Variants in LIPC observed in about 807,000 individuals in gnomAD.
The protein encoded by LIPC is lipase C, hepatic type, also known as hepatic triacylglycerol lipase.
Under a neutral mutation model 50.7 loss-of-function variants are expected in LIPC, and 44 were observed. The ratio of observed to expected loss-of-function variants is 0.87; its 90% CI spans 0.68 to 1.11. LIPC has a LOEUF of 1.11. Among genes scored for constraint, LIPC ranks in the 50% most tolerant of loss-of-function variants. The pLI, the probability that LIPC is intolerant of heterozygous loss-of-function variation, is 0.00. For missense variants in LIPC, 697 were observed against 648.2 expected (o/e 1.08, Z -0.82); for synonymous variants, 271 against 256.4 (o/e 1.06, Z -0.54).
At chr15:58,561,062 G>C (rs575790949) in intron 7 of LIPC, 81 bp downstream of exon 7, 1 of 811,212 alleles carries the variant, frequency 1.2e-6, no homozygotes, top group Non-Finnish European at 2.2e-6. Flanking sequence ...TAATTTTCAA[G>C]AGTCAGGCCA....
chr15:58,542,657 C>T lies in LIPC; in HGVS notation c.574+6C>T. ...CAAGATTGGGAGAATCACAGGTAACCATGCCTAATAACTCACACACTGATC... is the reference window on the plus strand; with the variant it reads ...CAAGATTGGGAGAATCACAGGTAACTATGCCTAATAACTCACACACTGATC... On this transcript the variant is annotated splice_donor_region_variant and intron_variant, in intron 4 of 8. Coordinates refer to ENST00000299022, the MANE Select transcript of LIPC (RefSeq NM_000236.3). 1 of 1,587,352 alleles carries T rather than the reference C, an allele frequency of 6.3e-7. No individual in the cohort carries two copies. The highest frequency in any genetic ancestry group is 8.6e-7 in the Non-Finnish European group (1 of 1,156,070).
At chr15:58,536,314 G>A (rs753448744) in intron 1 of LIPC, among the ~76,000 whole-genome samples, 26 of 152,096 alleles carry the variant, frequency 1.7e-4, no homozygotes, top group Non-Finnish European at 3.1e-4. Context: ...AGGAGGTGGG[G>A]GATGAGGGAT....
At chr15:58,486,167 T>C (rs775448874) in intron 1 of LIPC, among the ~76,000 whole-genome samples, 1 of 152,212 alleles carries the variant, frequency 6.6e-6, no homozygotes, top group Non-Finnish European at 1.5e-5. Context: ...CACTCTCTCA[T>C]GTCACTGTCC....
intron 1 of LIPC, among the ~76,000 whole-genome samples, chr15:58,516,896 G>A (rs773026742): frequency 2.0e-5 from 3 of 152,192 alleles, no homozygotes; most frequent in South Asian, 2.1e-4. Flanking sequence ...ACTAGATACC[G>A]GACATTGTGA....
chr15:58,437,791 C>T (rs185787801), intron 1 of LIPC, among the ~76,000 whole-genome samples: 5 of 152,318 alleles, frequency 3.3e-5, no homozygotes, highest in East Asian at 1.9e-4. Flanking sequence ...TCCAAGAGTG[C>T]GTACTATTCT....
At chr15:58,433,817 G>A (rs951656214) in intron 1 of LIPC, among the ~76,000 whole-genome samples, 1 of 152,186 alleles carries the variant, frequency 6.6e-6, no homozygotes, top group Non-Finnish European at 1.5e-5. Flanking sequence ...ATTAGCAAGA[G>A]GGTTCCTCAG....
At chr15:58,526,768 T>C (rs112603976) in intron 1 of LIPC, among the ~76,000 whole-genome samples, 7,757 of 152,250 alleles carry the variant, frequency 0.051, 482 homozygotes, top group African/African-American at 0.14. Context: ...AAACAACACA[T>C]TGAATGCCAA....
intron 1 of LIPC, among the ~76,000 whole-genome samples, chr15:58,434,601 C>T (rs1693779039): frequency 1.3e-5 from 2 of 152,232 alleles, no homozygotes; most frequent in Admixed American, 1.3e-4. Context: ...AAACATTCTG[C>T]TCAGTTCCTC....
intron 4 of LIPC, among the ~76,000 whole-genome samples, chr15:58,543,811 G>A (rs755592698): frequency 4.0e-5 from 6 of 151,832 alleles, no homozygotes; most frequent in South Asian, 2.1e-4. Context: ...TAGTAGATAC[G>A]GGGTTTCACC....
intron 1 of LIPC, among the ~76,000 whole-genome samples, chr15:58,515,899 C>T (rs763820682): frequency 1.8e-4 from 27 of 152,100 alleles, no homozygotes; most frequent in Non-Finnish European, 3.7e-4. Context: ...TTCTAGAACT[C>T]GGATCTCTTC....
intron 8 of LIPC, chr15:58,566,264 G>A (rs1230912339): frequency 2.0e-5 from 20 of 985,318 alleles, no homozygotes; most frequent in Non-Finnish European, 2.4e-5. Context: ...CATGCTTTGA[G>A]GAGGCCAAGA....
chr15:58,449,932 T>TA (rs1168666276), intron 1 of LIPC, among the ~76,000 whole-genome samples: 3 of 152,206 alleles, frequency 2.0e-5, no homozygotes, highest in African/African-American at 7.2e-5. Flanking sequence ...TCCCACCCTG[T>TA]ACCCACCATC....
intron 6 of LIPC, among the ~76,000 whole-genome samples, chr15:58,548,849 T>A (rs548533642): frequency 6.6e-6 from 1 of 152,340 alleles, no homozygotes; most frequent in South Asian, 2.1e-4. Flanking sequence ...TCCCCTAGAA[T>A]GTTAGATCTG....
chr15:58,463,111 A>G (rs1041727162), intron 1 of LIPC, among the ~76,000 whole-genome samples: 1 of 152,190 alleles, frequency 6.6e-6, no homozygotes, highest in African/African-American at 2.4e-5. Flanking sequence ...GCCAAGGGCC[A>G]GCTCCCCAGT....
At chr15:58,487,579 T>C (rs1891421585) in intron 1 of LIPC, among the ~76,000 whole-genome samples, 1 of 152,204 alleles carries the variant, frequency 6.6e-6, no homozygotes, top group South Asian at 2.1e-4. Context: ...TTGTTGGACA[T>C]ATTATTTACT....
chr15:58,548,835 A>G (rs1414577647), intron 6 of LIPC, among the ~76,000 whole-genome samples: 2 of 152,032 alleles, frequency 1.3e-5, no homozygotes, highest in Non-Finnish European at 2.9e-5. Context: ...GTCCATTTTC[A>G]TGCTCCCCTA....
chr15:58,434,467 G>C (rs1893224845), intron 1 of LIPC, among the ~76,000 whole-genome samples: 1 of 152,176 alleles, frequency 6.6e-6, no homozygotes, highest in African/African-American at 2.4e-5. Flanking sequence ...TGCCTTGCCG[G>C]CGGTCGCATA....
At chr15:58,433,382 C>T (rs1011369306) in intron 1 of LIPC, among the ~76,000 whole-genome samples, 4 of 152,250 alleles carry the variant, frequency 2.6e-5, no homozygotes, top group African/African-American at 9.6e-5. Flanking sequence ...ACCCCAAAGC[C>T]TTCCTTGTGT....
Position 58,513,767 on chromosome 15 carries a change from A to T in LIPC, c.89-24566A>T, listed in dbSNP as rs150975035. ...CAGCTGAGAATTCTGGAGAAACCCC[A>T]CGGCAGCTGGCATCTATGTCCTGGC... On this transcript the variant is annotated intron_variant, in intron 1 of 8. Transcript: ENST00000299022. Among the ~76,000 whole-genome samples, 32 of 152,226 alleles carry T rather than the reference A, an allele frequency of 2.1e-4. No individual in the cohort carries two copies. The East Asian group carries it at 6.0e-3, about 29-fold the overall frequency.
Sources: gnomAD v4.1 joint callset for allele counts (sites outside exome capture counted in the v4.1 genomes callset) on GRCh38, gnomAD v4.1.1 for gene constraint, MANE v1.5 for transcripts, NCBI Gene and HGNC (gene_info 2026-07-23, HGNC 2026-07-21) for gene names.